ISM2: variants seen among roughly 807,000 people sequenced by gnomAD.
ISM2 encodes isthmin-2.
A neutral mutation model predicts 58.0 loss-of-function variants in ISM2; 50 were observed. The ratio of observed to expected loss-of-function variants is 0.86; its 90% confidence interval spans 0.69 to 1.09. ISM2 has a LOEUF of 1.09. Ranked by LOEUF, ISM2 falls within the 50% of genes least tolerant of loss-of-function variation. The pLI is 0.00. For synonymous variants in ISM2, 303 were observed against 312.4 expected, an observed-to-expected ratio of 0.97 and a Z score of 0.32; for missense variants, 723 against 745.0, an observed-to-expected ratio of 0.97 and a Z score of 0.34.
intron 1 of ISM2, 114 bp downstream of exon 1, chr14:77,498,539 C>CG (rs999207355): frequency 5.1e-6 from 7 of 1,371,654 alleles, no homozygotes; most frequent in Non-Finnish European, 4.8e-6. Flanking sequence ...CTCTCTCCAT[C>CG]GGGGGGTCGC....
Position 77,494,059 on chromosome 14 carries a change from G to C in ISM2, c.141+4594C>G, listed in dbSNP as rs549703027. On this transcript the variant is annotated intron_variant, in intron 1 of 6. Transcript: ENST00000342219. The stretch of plus-strand genomic sequence containing the variant: ...CCCAAAGTGCTGGGATTACAGGCGT[G>C]AGCCACCGTTCCCGGCCCTGTGATT... 4.3e-3 allele frequency among the ~76,000 whole-genome samples: 658 copies of C among 152,226 alleles called. 6 individuals carry two copies. Among genetic ancestry groups the C allele is most frequent in the African/African-American group, 0.015 (638 of 41,542 alleles).
intron 1 of ISM2, chr14:77,498,263 G>A: frequency 1.5e-6 from 2 of 1,307,538 alleles, no homozygotes; most frequent in Non-Finnish European, 2.0e-6. Context: ...CCGCCACTCC[G>A]CAAAGCGCCA....
At position 77,498,700 on chromosome 14, in the gene ISM2, G is replaced by A. The variant is rs1036433430; in HGVS notation, c.94C>T (p.Pro32Ser). ...EAALGLPVKK[P>S]RLRGPRPGSL... ...CCAGGCCGTGGTCCGCGGAGCCGCG[G>A]CTTCTTCACGGGGAGCCCTAGCGCC... The change falls in exon 1 of 7, where the codon CCG becomes TCG. Residue 32 changes from proline to serine, a missense_variant. Coordinates refer to ENST00000342219, the MANE Select transcript of ISM2 (RefSeq NM_199296.3). 6.7e-7 allele frequency: 1 copy of A among 1,484,216 alleles called. No homozygotes were observed. Among genetic ancestry groups the A allele is most frequent in the Non-Finnish European group, 8.9e-7 (1 of 1,125,338 alleles). 91.9% of individuals were successfully genotyped at this position (1,484,216 alleles called of 1,614,324 possible).
intron 1 of ISM2, among the ~76,000 whole-genome samples, chr14:77,497,051 G>A (rs2079247202): frequency 6.6e-6 from 1 of 151,628 alleles, no homozygotes; most frequent in Non-Finnish European, 1.5e-5. Flanking sequence ...ATGCCTATAT[G>A]GACCCTCAGT....
Position 77,484,681 on chromosome 14 carries a change from G to C in ISM2, c.380C>G (p.Thr127Ser), listed in dbSNP as rs995610938. ...TGGCCCTTCTGTAGCTCTCACCTGG[G>C]TATCAGGGTTAGGGGTACTCAAGGT... ...NTTLSTPNPDTQASASPDPRP... is the reference protein window; with the variant it reads ...NTTLSTPNPDSQASASPDPRP... Residue 127 changes from threonine (T) to serine (S), a missense_variant, in exon 2 of 7, where the codon ACC (threonine) becomes AGC (serine). By Grantham distance (58) the Thr-to-Ser change is moderately conservative. Coordinates refer to ENST00000342219, the MANE Select transcript of ISM2 (RefSeq NM_199296.3). 4 of 1,580,856 alleles carry C rather than the reference G, an allele frequency of 2.5e-6. No homozygotes were observed. The African/African-American group carries it at 5.9e-5, about 23-fold the overall frequency.
At chr14:77,488,052 G>A (rs1413380084) in intron 1 of ISM2, among the ~76,000 whole-genome samples, 1 of 152,168 alleles carries the variant, frequency 6.6e-6, no homozygotes, top group South Asian at 2.1e-4. Context: ...CCAACCTCTG[G>A]ACACATCTTA....
intron 6 of ISM2, among the ~76,000 whole-genome samples, chr14:77,478,008 C>T (rs2079108371): frequency 6.6e-6 from 1 of 152,220 alleles, no homozygotes; most frequent in African/African-American, 2.4e-5. Context: ...CAGATGATCT[C>T]TAAGCTCTGC....
In ISM2 at chr14:77,475,132, G is replaced by C. The variant is rs2079088336; in HGVS notation, c.*463C>G. 6.5e-6 allele frequency: 1 copy of C among 153,040 alleles called. No individual in the cohort carries two copies. The highest frequency in any genetic ancestry group is 6.5e-5 in the Admixed American group (1 of 15,296). The allele number at this position is 153,040 out of a possible 1,614,324, so 9.5% of individuals were successfully genotyped here. Reference sequence around the variant, plus strand: ...TGGATGCCCCCCCCGGCAAAGGATGGCTGTGCCCATGAGAAGAGTGGCCCT... The same window carrying C: ...TGGATGCCCCCCCCGGCAAAGGATGCCTGTGCCCATGAGAAGAGTGGCCCT... On this transcript the variant is annotated 3_prime_UTR_variant, in exon 7 of 7. Transcript: ENST00000342219. The surrounding 1 kb of genome is among the most constrained non-coding windows in gnomAD (Gnocchi z 4.1).
rs374899724 is a variant in ISM2, at chr14:77,491,331, A to G, written c.142-6412T>C. On this transcript the variant is annotated intron_variant, in intron 1 of 6. Transcript: ENST00000342219. ...GCACAAACCACCCCCATCCCGCTCC[A>G]GGTGGGACAGTCTTTGCAGACTGGA... 2.1e-4 allele frequency among the ~76,000 whole-genome samples: 32 copies of G among 152,346 alleles called. No individual in the cohort carries two copies. The South Asian group carries it at 5.0e-3, about 24-fold the overall frequency.
chr14:77,478,221 C>A, intron 6 of ISM2, 21 bp downstream of exon 6: 4 of 1,609,312 alleles, frequency 2.5e-6, no homozygotes, highest in Non-Finnish European at 2.6e-6. Context: ...CCACCAGGGG[C>A]AAGCCTAGCC....
intron 1 of ISM2, among the ~76,000 whole-genome samples, chr14:77,491,124 T>C (rs1384138914): frequency 6.6e-6 from 1 of 152,228 alleles, no homozygotes; most frequent in Non-Finnish European, 1.5e-5. Context: ...CAGCCCCTGC[T>C]TCCAGGCAAC....
chr14:77,486,641 C>G (rs2079169511), intron 1 of ISM2, among the ~76,000 whole-genome samples: 1 of 152,190 alleles, frequency 6.6e-6, no homozygotes, highest in South Asian at 2.1e-4. Flanking sequence ...TCTGCAGTCT[C>G]TGGGGCATAG....
intron 1 of ISM2, among the ~76,000 whole-genome samples, chr14:77,487,990 C>T (rs1198447980): frequency 6.6e-6 from 1 of 152,188 alleles, no homozygotes; most frequent in East Asian, 1.9e-4. Context: ...ACGTACATCT[C>T]CCAGAAGGGC....
Position 77,484,313 on chromosome 14 carries a change from T to G in ISM2, c.627+10A>C. On this transcript the variant is annotated intron_variant, in intron 3 of 6. Coordinates refer to ENST00000342219, the MANE Select transcript of ISM2 (RefSeq NM_199296.3). ...GTCTGCAGGGCTGCTGGCCCTTCTG[T>G]AGCTCTCACCTGGTTATCAGGGTTA... 1 of 1,608,764 alleles carries G rather than the reference T, an allele frequency of 6.2e-7. No individual in the cohort carries two copies. Among genetic ancestry groups the G allele is most frequent in the South Asian group, 1.1e-5 (1 of 90,308 alleles).
intron 1 of ISM2, among the ~76,000 whole-genome samples, chr14:77,497,228 C>T (rs1278504067): frequency 6.6e-6 from 1 of 151,768 alleles, no homozygotes; most frequent in South Asian, 2.1e-4. Context: ...ATTAGCCAGG[C>T]GCGGTGGCAG....
In ISM2 at chr14:77,478,672, A is replaced by G; in HGVS notation, c.1017T>C (p.Ser339=). Residue 339 remains serine, a synonymous_variant, in exon 5 of 7, where the codon AGT becomes AGC. Transcript: ENST00000342219. The stretch of plus-strand genomic sequence containing the variant: ...GCTGCTTGCCAGTGCTGCAGTTCCC[A>G]CTGCAGGGAGACCAGGGACTCCACT... ...QKEWSPWSPC[S]GNCSTGKQQR... The G allele has an allele frequency of 6.2e-7, 1 of 1,613,646 alleles. No homozygotes were observed. The highest frequency in any genetic ancestry group is 8.5e-7 in the Non-Finnish European group (1 of 1,179,632).
intron 1 of ISM2, among the ~76,000 whole-genome samples, chr14:77,488,685 G>T (rs1161062994): frequency 6.6e-6 from 1 of 152,226 alleles, no homozygotes; most frequent in Non-Finnish European, 1.5e-5. Context: ...TGCTAAGCAT[G>T]CAATGAACGT....
intron 3 of ISM2, among the ~76,000 whole-genome samples, chr14:77,483,547 C>CAAAA (rs5809837): frequency 1.8e-5 from 2 of 112,014 alleles, no homozygotes; most frequent in Admixed American, 1.9e-4. Context: ...GACTCCATCT[C>CAAAA]AAAAAAAAAA....
At chr14:77,485,012 G>T in intron 1 of ISM2, 93 bp from the exon 2 acceptor site, 1 of 1,320,782 alleles carries the variant, frequency 7.6e-7, no homozygotes, top group Non-Finnish European at 1.0e-6. Flanking sequence ...GGAGCCCTGG[G>T]GTCTGACCGG....
Sources: allele counts gnomAD v4.1 joint callset (sites outside exome capture counted in the v4.1 genomes callset), GRCh38; gene constraint gnomAD v4.1.1; non-coding constraint Gnocchi (gnomAD v3.1); transcripts MANE v1.5; gene names NCBI Gene and HGNC (gene_info 2026-07-23, HGNC 2026-07-21).